LRP2: variants seen among roughly 807,000 people sequenced by gnomAD.
LRP2 encodes LDL receptor related protein 2.
LRP2 carries 172 observed loss-of-function variants against 531.0 expected under a neutral mutation model. The observed-to-expected ratio is 0.32, with a 90% CI of 0.29 to 0.37. The LOEUF (loss-of-function observed/expected upper bound fraction) is 0.37, where lower values mean the gene tolerates loss of function less well. Among genes scored for constraint, LRP2 ranks in the 10% least tolerant of loss-of-function variants. The pLI is 1.00. For synonymous variants in LRP2, 1,992 were observed against 2,027.6 expected, an observed-to-expected ratio of 0.98 and a Z score of 0.47; for missense variants, 5,167 against 5,868.3, an observed-to-expected ratio of 0.88 and a Z score of 3.90.
intron 33 of LRP2, among the ~76,000 whole-genome samples, chr2:169,223,033 C>T (rs936129560): frequency 6.6e-6 from 1 of 152,128 alleles, no homozygotes; most frequent in Non-Finnish European, 1.5e-5. Context: ...GATATGTGAG[C>T]TACTTAAAGA....
chr2:169,243,429 A>C lies in LRP2; in HGVS notation c.3524T>G (p.Val1175Gly), dbSNP rs1574172627. 6.2e-7 allele frequency: 1 copy of C among 1,614,162 alleles called. No individual in the cohort carries two copies. The part of the protein sequence containing the change: ...SFVCDGDKDC[V>G]DGSDEVGCVL... The stretch of plus-strand genomic sequence containing the variant: ...ACAACCAACCTCATCAGATCCATCA[A>C]CACAATCCTTGTCACCATCACAGAC... Residue 1175 changes from valine (V) to glycine (G), a missense_variant, in exon 23 of 79, where the codon GTT (valine) becomes GGT (glycine). By Grantham distance (109) the Val-to-Gly change is moderately radical. Around this residue, in one of 6 missense-constraint regions of LRP2, gnomAD observed 2,811 missense variants for 3,058.0 expected, o/e 0.92. Coordinates refer to ENST00000649046, the MANE Select transcript of LRP2 (RefSeq NM_004525.3).
chr2:169,138,473 C>T, intron 75 of LRP2, 104 bp downstream of exon 75: 1 of 1,276,822 alleles, frequency 7.8e-7, no homozygotes. Context: ...TCTGAGAGGC[C>T]TAATACTGTA....
intron 19 of LRP2, among the ~76,000 whole-genome samples, chr2:169,249,587 C>T (rs1379639562): frequency 3.8e-5 from 1 of 26,466 alleles, no homozygotes; most frequent in Non-Finnish European, 6.2e-5. Flanking sequence ...AGCGCCTCTC[C>T]TCCTCCAAAG....
chr2:169,282,849 C>T, intron 10 of LRP2, 24 bp downstream of exon 10: 1 of 1,611,010 alleles, frequency 6.2e-7, no homozygotes, highest in Non-Finnish European at 8.5e-7. Context: ...TGTTCAGAGA[C>T]ACAGGTGTCC....
chr2:169,193,428 CAAAA>C (rs1166288828), intron 47 of LRP2, among the ~76,000 whole-genome samples: 14 of 62,288 alleles, frequency 2.2e-4, no homozygotes, highest in Non-Finnish European at 4.0e-4. Context: ...AAGACCTTGT[CAAAA>C]AAAAAAAAAA....
intron 63 of LRP2, among the ~76,000 whole-genome samples, chr2:169,160,693 A>ACAAAAAAAAAAAAAC (rs35735315): frequency 6.6e-6 from 1 of 151,274 alleles, no homozygotes; most frequent in Non-Finnish European, 1.5e-5. Context: ...AAAAAAAAAA[A>ACAAAAAAAAAAAAAC]AACCTGCTAC....
At chr2:169,360,182 T>C (rs1004157712) in intron 1 of LRP2, among the ~76,000 whole-genome samples, 2 of 148,756 alleles carry the variant, frequency 1.3e-5, no homozygotes, top group Admixed American at 6.7e-5. Context: ...AGACACTGTA[T>C]ACTGTAGCAA....
intron 1 of LRP2, among the ~76,000 whole-genome samples, chr2:169,340,226 T>C (rs1574273168): frequency 6.6e-6 from 1 of 152,186 alleles, no homozygotes; most frequent in African/African-American, 2.4e-5. Flanking sequence ...TCCAGTTTTC[T>C]CATCATTCTT....
chr2:169,272,490 G>A (rs1037488846), intron 15 of LRP2, among the ~76,000 whole-genome samples: 5 of 152,110 alleles, frequency 3.3e-5, no homozygotes, highest in African/African-American at 1.2e-4. Flanking sequence ...AGGGGCATAC[G>A]TGGTGGTCTA....
intron 9 of LRP2, among the ~76,000 whole-genome samples, chr2:169,286,626 G>C (rs1232032869): frequency 1.3e-5 from 2 of 152,154 alleles, no homozygotes. Context: ...ACAACCCAAG[G>C]CTCACCACAG....
At chr2:169,138,146 CA>C (rs1490832400) in intron 75 of LRP2, among the ~76,000 whole-genome samples, 1 of 152,176 alleles carries the variant, frequency 6.6e-6, no homozygotes, top group Non-Finnish European at 1.5e-5. Flanking sequence ...GGACCAACGC[CA>C]ACTCTAAAAT....
rs556737893 is a variant in LRP2 at position 169,273,065 on chromosome 2, T to C, written c.1978A>G (p.Thr660Ala). ...VYHSLRQPYATNPCKDNNGGC... is the reference protein window; with the variant it reads ...VYHSLRQPYAANPCKDNNGGC... Reference sequence around the variant, plus strand: ...CCATTGTTATCTTTACACGGATTGGTAGCTGGAAGGAAAAATGCACAGGGT... The same window carrying C: ...CCATTGTTATCTTTACACGGATTGGCAGCTGGAAGGAAAAATGCACAGGGT... Residue 660 changes from threonine to alanine, a missense_variant and splice_region_variant, in exon 15 of 79, where the codon ACC becomes GCC. Physicochemically the swap from Thr to Ala is moderately conservative, Grantham distance 58. This residue lies in a region of LRP2 where 2,811 missense variants were observed against 3,058.0 expected (regional missense o/e 0.92). Coordinates refer to ENST00000649046, the MANE Select transcript of LRP2 (RefSeq NM_004525.3). 1.4e-5 allele frequency: 22 copies of C among 1,613,526 alleles called. No homozygotes were observed. The South Asian group carries it at 2.4e-4, about 18-fold the overall frequency.
chr2:169,269,579 C>T (rs1257842545), intron 16 of LRP2, among the ~76,000 whole-genome samples: 2 of 152,172 alleles, frequency 1.3e-5, no homozygotes, highest in African/African-American at 4.8e-5. Flanking sequence ...GGATCCCTTC[C>T]TTACACCTTA....
At chr2:169,339,532 A>G (rs1685506525) in intron 1 of LRP2, among the ~76,000 whole-genome samples, 1 of 152,196 alleles carries the variant, frequency 6.6e-6, no homozygotes, top group Admixed American at 6.5e-5. Flanking sequence ...ATTTTCAACA[A>G]TTATATTTCA....
intron 31 of LRP2, among the ~76,000 whole-genome samples, chr2:169,227,927 C>T (rs1190368150): frequency 6.6e-6 from 1 of 152,154 alleles, no homozygotes; most frequent in Non-Finnish European, 1.5e-5. Context: ...CTGCAGGAAA[C>T]AGTAATAGGA....
chr2:169,294,634 A>G lies in LRP2; in HGVS notation c.504T>C (p.Val168=). Residue 168 remains valine, a synonymous_variant, in exon 5 of 79, where the codon GTT becomes GTC. Coordinates refer to ENST00000649046, the MANE Select transcript of LRP2 (RefSeq NM_004525.3). ...YNTSQKCDWK[V]DCRDSSDEIN... ...TTTCATCTGAGGAGTCCCTGCAATC[A>G]ACTTTCCAATCACACTTCTGACTGG... The G allele has an allele frequency of 6.2e-7, 1 of 1,612,738 alleles. No homozygotes were observed. The highest frequency in any genetic ancestry group is 8.5e-7 in the Non-Finnish European group (1 of 1,179,812).
chr2:169,294,708 ACT>A lies in LRP2; in HGVS notation c.428_429del (p.Gln143LeufsTer5). 7.0e-6 allele frequency: 6 copies of A among 861,634 alleles called. No individual in the cohort carries two copies. The highest frequency in any genetic ancestry group is 1.1e-5 in the Non-Finnish European group (6 of 547,380). 53.4% of individuals were successfully genotyped at this position (861,634 alleles called of 1,614,324 possible). A position where few individuals can be genotyped will look rare whatever the true frequency, so the allele number is the denominator to read the frequency against. The part of the protein sequence containing the change: ...CPDGADENDC[Q>X]YPTCEQLTCD... ...CAAGTAAGCTGCTCACATGTTGGGTACTCTATTGTAAAAAAAAAAAAAAAAAA... is the reference window on the plus strand; with the variant it reads ...CAAGTAAGCTGCTCACATGTTGGGTACTATTGTAAAAAAAAAAAAAAAAAA... On this transcript the variant is annotated frameshift_variant and splice_region_variant, in exon 5 of 79. Coordinates refer to ENST00000649046, the MANE Select transcript of LRP2 (RefSeq NM_004525.3). LOFTEE classifies it high-confidence loss of function.
intron 16 of LRP2, among the ~76,000 whole-genome samples, chr2:169,262,651 G>A (rs1174365481): frequency 4.0e-5 from 6 of 149,432 alleles, no homozygotes; most frequent in South Asian, 2.2e-4. Context: ...AATCAATATC[G>A]TGAAAATGGC....
intron 41 of LRP2, 80 bp from the exon 42 acceptor site, chr2:169,204,351 C>A: frequency 7.7e-7 from 1 of 1,301,526 alleles, no homozygotes; most frequent in Non-Finnish European, 1.1e-6. Flanking sequence ...ATGCATGCGC[C>A]TCATCATTGT....
Sources: allele counts gnomAD v4.1 joint callset (sites outside exome capture counted in the v4.1 genomes callset), GRCh38; gene constraint gnomAD v4.1.1; regional missense constraint gnomAD v4.1.1; transcripts MANE v1.5; gene names NCBI Gene and HGNC (gene_info 2026-07-23, HGNC 2026-07-21).